Variants in PCGF5 observed in about 807,000 individuals in gnomAD.
PCGF5 encodes polycomb group RING finger protein 5.
In PCGF5, 9 loss-of-function variants were observed where a neutral mutation model predicts 44.3. That is an observed-to-expected ratio of 0.20 (90% CI 0.12 to 0.35). PCGF5 has a LOEUF of 0.35. Ranked by LOEUF, PCGF5 falls within the 10% of genes least tolerant of loss-of-function variation. The pLI, the probability that PCGF5 is intolerant of heterozygous loss-of-function variation, is 1.00. For synonymous variants in PCGF5, 95 were observed against 102.5 expected (o/e 0.93, Z 0.44); for missense variants, 146 against 305.3 (o/e 0.48, Z 3.89).
chr10:91,189,615 C>A (rs897375887), intron 1 of PCGF5, among the ~76,000 whole-genome samples: 1 of 152,124 alleles, frequency 6.6e-6, no homozygotes, highest in Non-Finnish European at 1.5e-5. Context: ...ACATACATAT[C>A]TACATGAAAA....
rs1036017777 is a variant in PCGF5 at position 91,271,499 on chromosome 10, A to G, written c.664-139A>G. On this transcript the variant is annotated intron_variant, in intron 8 of 9. Coordinates refer to ENST00000336126, the MANE Select transcript of PCGF5 (RefSeq NM_032373.5). ...TAAAATCTTTTTTTCAAAAACAACC[A>G]CCATTTTTTTGGAAAGTGTTTATTT... The G allele has an allele frequency of 9.8e-6, 6 of 611,368 alleles. No homozygotes were observed. In the African/African-American group the frequency reaches 1.1e-4, roughly 11 times the overall value. The allele number at this position is 611,368 out of a possible 1,614,324, so 37.9% of individuals were successfully genotyped here.
intron 9 of PCGF5, 41 bp downstream of exon 9, chr10:91,271,738 C>T: frequency 6.6e-7 from 1 of 1,507,030 alleles, no homozygotes; most frequent in Non-Finnish European, 9.2e-7. Flanking sequence ...CATCATGACA[C>T]CATGGCGGTG....
At chr10:91,212,985 T>C (rs1455124721) in intron 1 of PCGF5, among the ~76,000 whole-genome samples, 1 of 152,230 alleles carries the variant, frequency 6.6e-6, no homozygotes, top group African/African-American at 2.4e-5. Flanking sequence ...AGGATAATAT[T>C]ACACTCACAT....
At chr10:91,229,392 G>T (rs1259298358) in intron 2 of PCGF5, among the ~76,000 whole-genome samples, 1 of 152,130 alleles carries the variant, frequency 6.6e-6, no homozygotes, top group East Asian at 1.9e-4. Context: ...TCTGAGCAGG[G>T]ACTAAAATAA....
chr10:91,162,449 A>G (rs1007065467), upstream of PCGF5, among the ~76,000 whole-genome samples: 107 of 152,190 alleles, frequency 7.0e-4, no homozygotes, highest in African/African-American at 2.5e-3. Flanking sequence ...CTGACATTCG[A>G]GCTGCCTTCC....
rs151283040 is a variant in PCGF5 at position 91,268,908 on chromosome 10, C to T, written c.664-2730C>T. Among the ~76,000 whole-genome samples, 444 of 152,038 alleles carry T rather than the reference C, an allele frequency of 2.9e-3. 5 individuals carry two copies. Among genetic ancestry groups the T allele is most frequent in the African/African-American group, 0.01 (423 of 41,480 alleles). ...AACAAACAGCTGGTCAGACTTAGCT[C>T]GTAAAATTTTTTCAGTTCGTATCAG... On this transcript the variant is annotated intron_variant, in intron 8 of 9. Coordinates refer to ENST00000336126, the MANE Select transcript of PCGF5 (RefSeq NM_032373.5).
chr10:91,164,691 C>T (rs11593954), intron 1 of PCGF5, among the ~76,000 whole-genome samples: 2,815 of 152,304 alleles, frequency 0.018, 45 homozygotes, highest in South Asian at 0.037. Flanking sequence ...ATTAACTTGA[C>T]TCATTCCCAC....
chr10:91,175,087 G>A (rs980251977), intron 1 of PCGF5, among the ~76,000 whole-genome samples: 1 of 152,156 alleles, frequency 6.6e-6, no homozygotes. Context: ...TAGAGGCTTT[G>A]GAGTGGGGCA....
chr10:91,222,650 C>CT, intron 1 of PCGF5, 39 bp from the exon 2 acceptor site: 2 of 515,900 alleles, frequency 3.9e-6, no homozygotes, highest in South Asian at 3.6e-5. Context: ...GAATTTGACG[C>CT]TTTTTTCTCT....
At chr10:91,164,225 C>T (rs1843453825) in intron 1 of PCGF5, among the ~76,000 whole-genome samples, 2 of 152,224 alleles carry the variant, frequency 1.3e-5, no homozygotes, top group South Asian at 4.1e-4. Context: ...AGCGGGGTCC[C>T]CCCCTTCCAC....
intron 1 of PCGF5, among the ~76,000 whole-genome samples, chr10:91,181,397 A>G (rs1221115873): frequency 6.6e-6 from 1 of 152,098 alleles, no homozygotes; most frequent in Non-Finnish European, 1.5e-5. Flanking sequence ...ACTATGTTGA[A>G]TAGGAGTAGC....
intron 2 of PCGF5, among the ~76,000 whole-genome samples, chr10:91,225,208 A>G (rs1267747921): frequency 1.4e-5 from 2 of 147,944 alleles, no homozygotes; most frequent in African/African-American, 4.9e-5. Context: ...ATTTTTATAT[A>G]TATCATATAT....
At chr10:91,244,304 A>G (rs1222332931) in intron 3 of PCGF5, among the ~76,000 whole-genome samples, 1 of 152,168 alleles carries the variant, frequency 6.6e-6, no homozygotes, top group Non-Finnish European at 1.5e-5. Flanking sequence ...CTAGGAAAGC[A>G]TGCCTATTCC....
intron 1 of PCGF5, among the ~76,000 whole-genome samples, chr10:91,188,720 C>T (rs992134465): frequency 2.6e-5 from 4 of 152,134 alleles, no homozygotes; most frequent in Admixed American, 6.5e-5. Context: ...CCAGAGTCCT[C>T]TGTTATGGAG....
chr10:91,272,081 A>C (rs1412374898), intron 9 of PCGF5, among the ~76,000 whole-genome samples: 2 of 152,228 alleles, frequency 1.3e-5, no homozygotes, highest in Non-Finnish European at 2.9e-5. Flanking sequence ...AGGTGAAGCT[A>C]AATAACAGCA....
chr10:91,211,778 G>A (rs17106435), intron 1 of PCGF5, among the ~76,000 whole-genome samples: 17,145 of 152,210 alleles, frequency 0.11, 2,707 homozygotes, highest in African/African-American at 0.36. Flanking sequence ...CTGTGTTCAA[G>A]GGATAGTGAG....
chr10:91,239,731 G>GATTT (rs917592949), intron 2 of PCGF5, among the ~76,000 whole-genome samples: 1 of 152,130 alleles, frequency 6.6e-6, no homozygotes, highest in Non-Finnish European at 1.5e-5. Context: ...AGATGAGAGA[G>GATTT]ATTTATAGCC....
chr10:91,262,926 A>T (rs1845957331), intron 7 of PCGF5, among the ~76,000 whole-genome samples: 1 of 152,216 alleles, frequency 6.6e-6, no homozygotes, highest in Non-Finnish European at 1.5e-5. Flanking sequence ...TCATTGAGTT[A>T]ACATTTTCTA....
rs1473033163 is a variant in PCGF5, at chr10:91,280,536, A to G, written c.*2220A>G. The G allele has an allele frequency of 1.3e-5, 2 of 152,520 alleles. No individual in the cohort carries two copies. Among genetic ancestry groups the G allele is most frequent in the African/African-American group, 4.8e-5 (2 of 41,462 alleles). 9.4% of individuals were successfully genotyped at this position (152,520 alleles called of 1,614,324 possible). A position where few individuals can be genotyped will look rare whatever the true frequency, so the allele number is the denominator to read the frequency against. Reference sequence around the variant, plus strand: ...GCATTAACATTTTTATTGAAATGCAATGGAATATGTGCCAAAACACGTGAA... The same window carrying G: ...GCATTAACATTTTTATTGAAATGCAGTGGAATATGTGCCAAAACACGTGAA... On this transcript the variant is annotated 3_prime_UTR_variant, in exon 10 of 10. Coordinates refer to ENST00000336126, the MANE Select transcript of PCGF5 (RefSeq NM_032373.5).
Sources: allele counts gnomAD v4.1 joint callset (sites outside exome capture counted in the v4.1 genomes callset), GRCh38; gene constraint gnomAD v4.1.1; transcripts MANE v1.5; gene names NCBI Gene and HGNC (gene_info 2026-07-23, HGNC 2026-07-21).